WWOX: variants seen among roughly 807,000 people sequenced by gnomAD.
The protein encoded by WWOX is WW domain containing oxidoreductase.
Under a neutral mutation model 46.2 loss-of-function variants are expected in WWOX, and 69 were observed. That is an observed-to-expected ratio of 1.49 (90% CI 1.23 to 1.82). WWOX has a LOEUF of 1.82. WWOX is among the 40% of genes most tolerant of loss of function. The probability of loss-of-function intolerance (pLI) is 0.00; values close to 1 mark genes in which losing one functional copy is unlikely to be tolerated. For synonymous variants in WWOX, 359 were observed against 202.6 expected (o/e 1.77, Z -6.56); for missense variants, 919 against 542.6 (o/e 1.69, Z -6.89).
chr16:78,751,349 A>G (rs1312385892), intron 8 of WWOX, among the ~76,000 whole-genome samples: 1 of 150,180 alleles, frequency 6.7e-6, no homozygotes. Context: ...TTCAACCAAA[A>G]AAAAGAAACA....
At chr16:78,704,188 C>A (rs540628742) in intron 8 of WWOX, among the ~76,000 whole-genome samples, 11 of 151,632 alleles carry the variant, frequency 7.3e-5, no homozygotes, top group African/African-American at 2.7e-4. Context: ...ACTATGTAAC[C>A]TCTCTGAGCC....
At chr16:78,698,220 T>C (rs369914858) in intron 8 of WWOX, among the ~76,000 whole-genome samples, 3 of 152,166 alleles carry the variant, frequency 2.0e-5, no homozygotes, top group Admixed American at 6.6e-5. Context: ...AGATGGAGTT[T>C]GGATTCGGGC....
intron 8 of WWOX, among the ~76,000 whole-genome samples, chr16:78,682,006 T>C (rs577092780): frequency 7.2e-5 from 11 of 152,296 alleles, no homozygotes; most frequent in African/African-American, 2.6e-4. Flanking sequence ...GGAGCAGTGA[T>C]TTTTAAAAGT....
intron 8 of WWOX, among the ~76,000 whole-genome samples, chr16:78,887,907 C>T (rs948450173): frequency 1.3e-5 from 2 of 152,140 alleles, no homozygotes; most frequent in Admixed American, 1.3e-4. Context: ...GTAAAATCTT[C>T]TTAATGAGGG....
chr16:78,599,552 T>A (rs576234708), intron 8 of WWOX, among the ~76,000 whole-genome samples: 4 of 152,280 alleles, frequency 2.6e-5, no homozygotes, highest in Non-Finnish European at 5.9e-5. Context: ...GAGGGCCACA[T>A]TCCTCTCATT....
chr16:78,482,345 C>T (rs945612157), intron 8 of WWOX, among the ~76,000 whole-genome samples: 3 of 152,098 alleles, frequency 2.0e-5, no homozygotes, highest in South Asian at 2.1e-4. Context: ...CCTCGGCCTC[C>T]GTAGTAGTCA....
intron 4 of WWOX, among the ~76,000 whole-genome samples, chr16:78,160,555 G>A (rs1384797519): frequency 6.6e-6 from 1 of 152,044 alleles, no homozygotes; most frequent in Non-Finnish European, 1.5e-5. Flanking sequence ...GTAATTTTTT[G>A]AGCCATAATG....
chr16:78,471,307 A>G (rs1395452359), intron 8 of WWOX, among the ~76,000 whole-genome samples: 1 of 152,184 alleles, frequency 6.6e-6, no homozygotes, highest in Non-Finnish European at 1.5e-5. Flanking sequence ...TTTCAGAGGG[A>G]TTCTGGGTAG....
chr16:79,157,792 G>A (rs561724177), intron 8 of WWOX, among the ~76,000 whole-genome samples: 51 of 152,268 alleles, frequency 3.3e-4, no homozygotes, highest in African/African-American at 1.2e-3. Context: ...TGGTCAAGAG[G>A]CAGAGGGAGA....
chr16:78,502,025 G>A (rs934903780), intron 8 of WWOX, among the ~76,000 whole-genome samples: 4 of 152,302 alleles, frequency 2.6e-5, no homozygotes, highest in South Asian at 2.1e-4. Context: ...AGTAAGAATT[G>A]TATCGTAGCC....
chr16:78,802,495 A>T (rs1228690829), intron 8 of WWOX, among the ~76,000 whole-genome samples: 1 of 152,204 alleles, frequency 6.6e-6, no homozygotes. Flanking sequence ...AAATTTTACC[A>T]GAACTTAAAT....
intron 8 of WWOX, among the ~76,000 whole-genome samples, chr16:78,913,992 A>G (rs1273521601): frequency 6.6e-6 from 1 of 152,030 alleles, no homozygotes; most frequent in Admixed American, 6.6e-5. Flanking sequence ...AAATTGTACC[A>G]GGAAATTCAC....
At chr16:78,484,769 A>G (rs2084587192) in intron 8 of WWOX, among the ~76,000 whole-genome samples, 3 of 152,176 alleles carry the variant, frequency 2.0e-5, no homozygotes, top group African/African-American at 7.2e-5. Flanking sequence ...TCAGCCTGAA[A>G]GAAGTGATTG....
intron 8 of WWOX, among the ~76,000 whole-genome samples, chr16:79,009,464 A>G (rs2047259629): frequency 6.6e-6 from 1 of 151,152 alleles, no homozygotes; most frequent in Admixed American, 6.6e-5. Flanking sequence ...GAGGCCCATC[A>G]TCAAATTTTC....
At chr16:78,654,245 G>A (rs1052381904) in intron 8 of WWOX, among the ~76,000 whole-genome samples, 1 of 152,196 alleles carries the variant, frequency 6.6e-6, no homozygotes, top group Non-Finnish European at 1.5e-5. Flanking sequence ...CTGGTTTTCA[G>A]ATTCTTTATT....
chr16:79,094,488 G>A (rs1383183697), intron 8 of WWOX, among the ~76,000 whole-genome samples: 1 of 152,094 alleles, frequency 6.6e-6, no homozygotes, highest in African/African-American at 2.4e-5. Flanking sequence ...CTGACCTCAG[G>A]CAGTCTGCCC....
At chr16:78,912,283 C>A (rs1019498191) in intron 8 of WWOX, among the ~76,000 whole-genome samples, 1 of 152,064 alleles carries the variant, frequency 6.6e-6, no homozygotes, top group Non-Finnish European at 1.5e-5. Context: ...TGAAGTCTCA[C>A]TGTGTGCCAG....
At chr16:78,975,720 A>G (rs1254030318) in intron 8 of WWOX, among the ~76,000 whole-genome samples, 3 of 152,150 alleles carry the variant, frequency 2.0e-5, no homozygotes, top group African/African-American at 7.2e-5. Flanking sequence ...GGTTTTGTCC[A>G]TAGGCAACAC....
chr16:78,326,805 T>G (rs936108703), intron 5 of WWOX, among the ~76,000 whole-genome samples: 20 of 152,132 alleles, frequency 1.3e-4, no homozygotes, highest in African/African-American at 4.6e-4. Flanking sequence ...ACTTTAATTG[T>G]CAAAACATGC....
Sources: gnomAD v4.1 joint callset for allele counts (sites outside exome capture counted in the v4.1 genomes callset) on GRCh38, gnomAD v4.1.1 for gene constraint, MANE v1.5 for transcripts, NCBI Gene and HGNC (gene_info 2026-07-23, HGNC 2026-07-21) for gene names.